The following PCDH15 variants were observed in gnomAD, a reference collection of about 807,000 sequenced individuals.
PCDH15 encodes protocadherin related 15.
PCDH15 carries 129 observed loss-of-function variants against 178.5 expected under a neutral mutation model. That is an observed-to-expected ratio of 0.72 (90% CI 0.63 to 0.84). The LOEUF is 0.84. Among genes scored for constraint, PCDH15 ranks in the 40% least tolerant of loss-of-function variants. The probability of loss-of-function intolerance (pLI) is 0.00; values close to 1 mark genes in which losing one functional copy is unlikely to be tolerated. For synonymous variants in PCDH15, 800 were observed against 732.0 expected (o/e 1.09, Z -1.50); for missense variants, 2,230 against 2,099.9 (o/e 1.06, Z -1.21).
chr10:55,028,515 T>A (rs1389845793), intron 2 of PCDH15, among the ~76,000 whole-genome samples: 1 of 152,092 alleles, frequency 6.6e-6, no homozygotes, highest in East Asian at 1.9e-4. Flanking sequence ...TTCAATAACA[T>A]ATCGTGACTT....
chr10:54,216,155 A>T (rs1006997938), intron 9 of PCDH15, among the ~76,000 whole-genome samples: 2 of 149,696 alleles, frequency 1.3e-5, no homozygotes, highest in Non-Finnish European at 3.0e-5. Flanking sequence ...CCAGTGAGGG[A>T]TTTAAAAAGT....
chr10:55,341,378 G>T (rs1320099971), intron 2 of PCDH15, among the ~76,000 whole-genome samples: 1 of 151,800 alleles, frequency 6.6e-6, no homozygotes, highest in East Asian at 1.9e-4. Context: ...TGACAAATTG[G>T]AATGTTATAA....
chr10:55,159,004 C>T (rs2589442), intron 2 of PCDH15, among the ~76,000 whole-genome samples: 115,393 of 151,750 alleles, frequency 0.76, 47,787 homozygotes, highest in Non-Finnish European at 0.92. Context: ...AACAAACCTA[C>T]GCAGTGTGAA....
chr10:54,736,070 T>C (rs117493035), intron 1 of PCDH15, among the ~76,000 whole-genome samples: 2,706 of 152,134 alleles, frequency 0.018, 24 homozygotes, highest in Non-Finnish European at 0.027. Flanking sequence ...CTTTCTTTCC[T>C]TAGGTCAAAC....
In PCDH15 at chr10:53,920,946, A is replaced by G. The variant is rs2083946578; in HGVS notation, c.3374-17576T>C. Reference sequence around the variant, plus strand: ...TTATCTATATATCTTTGCTGTGTTCATTAGTCATATGGTATACAACATATT... The same window carrying G: ...TTATCTATATATCTTTGCTGTGTTCGTTAGTCATATGGTATACAACATATT... On this transcript the variant is annotated intron_variant, in intron 25 of 37. Transcript: ENST00000644397. Among the ~76,000 whole-genome samples, 10 of 152,330 alleles carry G rather than the reference A, an allele frequency of 6.6e-5. No individual in the cohort carries two copies. The South Asian group carries it at 2.1e-3, about 32-fold the overall frequency.
chr10:55,137,740 G>T (rs920890917), intron 2 of PCDH15, among the ~76,000 whole-genome samples: 1 of 152,086 alleles, frequency 6.6e-6, no homozygotes, highest in East Asian at 1.9e-4. Flanking sequence ...AGCTTTAAAA[G>T]TTCATAGACA....
intron 6 of PCDH15, among the ~76,000 whole-genome samples, chr10:54,345,230 A>G (rs1365927422): frequency 6.6e-6 from 1 of 152,084 alleles, no homozygotes; most frequent in Non-Finnish European, 1.5e-5. Context: ...ACATAATGCA[A>G]TAAATTTGTG....
chr10:55,252,414 C>T (rs1014711529), intron 1 of PCDH15, among the ~76,000 whole-genome samples: 2 of 152,092 alleles, frequency 1.3e-5, no homozygotes, highest in African/African-American at 4.8e-5. Flanking sequence ...GGAATATCCA[C>T]TTACTCTTCC....
intron 2 of PCDH15, among the ~76,000 whole-genome samples, chr10:55,033,698 G>A (rs1370052945): frequency 6.6e-6 from 1 of 152,126 alleles, no homozygotes; most frequent in Non-Finnish European, 1.5e-5. Context: ...AGTTGATTCT[G>A]AAACAAGTAA....
chr10:54,607,410 C>T (rs370553160), intron 2 of PCDH15, among the ~76,000 whole-genome samples: 3 of 152,056 alleles, frequency 2.0e-5, no homozygotes, highest in African/African-American at 7.2e-5. Context: ...TATATGATAA[C>T]ATGTGGCATT....
intron 16 of PCDH15, among the ~76,000 whole-genome samples, chr10:54,081,160 A>C (rs1054468452): frequency 6.6e-6 from 1 of 152,112 alleles, no homozygotes. Context: ...AACTTCGCTT[A>C]ATTCATTCCA....
At chr10:54,129,625 A>T (rs2133012337) in intron 15 of PCDH15, among the ~76,000 whole-genome samples, 1 of 152,326 alleles carries the variant, frequency 6.6e-6, no homozygotes, top group African/African-American at 2.4e-5. Flanking sequence ...TAAAGTAAAT[A>T]AGATGTGCCT....
rs1455035148 is a variant in PCDH15 at position 54,090,057 on chromosome 10, C to T, written c.1924G>A (p.Asp642Asn). 2.5e-6 allele frequency: 4 copies of T among 1,609,186 alleles called. No homozygotes were observed. In the East Asian group the frequency reaches 8.9e-5, roughly 36 times the overall value. The change falls in exon 16 of 38, where the codon GAT (aspartate) becomes AAT (asparagine). Residue 642 changes from aspartate (D) to asparagine (N), a missense_variant. Asp to Asn is a conservative substitution (Grantham distance 23, BLOSUM62 1). Transcript: ENST00000644397. ...GAVLLNLQAT[D>N]REGDSITYAI... ...TATGTTATTGAGTCTCCCTCTCGAT[C>T]AGTTGCCTTCAGAGAGAAAACATAA...
chr10:54,081,639 G>T (rs2094438538), intron 16 of PCDH15, among the ~76,000 whole-genome samples: 1 of 152,030 alleles, frequency 6.6e-6, no homozygotes, highest in South Asian at 2.1e-4. Flanking sequence ...TTAAATCCGA[G>T]AAATAGCTCA....
chr10:53,974,377 T>C (rs2090017319), intron 21 of PCDH15, among the ~76,000 whole-genome samples: 1 of 152,114 alleles, frequency 6.6e-6, no homozygotes, highest in Admixed American at 6.6e-5. Flanking sequence ...AGATAAAATA[T>C]ACTTAACTTT....
intron 2 of PCDH15, among the ~76,000 whole-genome samples, chr10:54,564,879 T>C (rs967346981): frequency 1.3e-5 from 2 of 152,204 alleles, no homozygotes; most frequent in African/African-American, 2.4e-5. Context: ...TATTTTATCA[T>C]GTATCAATAC....
intron 14 of PCDH15, among the ~76,000 whole-genome samples, chr10:54,134,934 C>A (rs978415602): frequency 4.0e-5 from 6 of 151,436 alleles, no homozygotes; most frequent in Admixed American, 4.0e-4. Context: ...TGGTTGGGTG[C>A]GGTGGCTCAT....
chr10:53,821,024 A>T, intron 32 of PCDH15: 1 of 808,640 alleles, frequency 1.2e-6, no homozygotes, highest in Non-Finnish European at 1.5e-6. Flanking sequence ...TAGGGAGATG[A>T]TTAATAATAT....
chr10:54,599,406 G>T (rs989334723), intron 2 of PCDH15, among the ~76,000 whole-genome samples: 3 of 152,040 alleles, frequency 2.0e-5, no homozygotes, highest in African/African-American at 4.8e-5. Context: ...AAGTAATGGG[G>T]AAACAACTCC....
Sources: allele counts gnomAD v4.1 joint callset (sites outside exome capture counted in the v4.1 genomes callset), GRCh38; gene constraint gnomAD v4.1.1; transcripts MANE v1.5; gene names NCBI Gene and HGNC (gene_info 2026-07-23, HGNC 2026-07-21).